Variants in ZDHHC11 observed in about 807,000 individuals in gnomAD.
ZDHHC11 encodes zDHHC palmitoyltransferase 11.
In ZDHHC11, 44 loss-of-function variants were observed where a neutral mutation model predicts 51.3. The ratio of observed to expected loss-of-function variants is 0.86; its 90% CI spans 0.67 to 1.10. The LOEUF (loss-of-function observed/expected upper bound fraction) is 1.10, where lower values mean the gene tolerates loss of function less well. Ranked by LOEUF, ZDHHC11 falls within the 50% of genes least tolerant of loss-of-function variation. The pLI, the probability that ZDHHC11 is intolerant of heterozygous loss-of-function variation, is 0.00. For synonymous variants in ZDHHC11, 163 were observed against 222.0 expected (o/e 0.73, Z 2.36); for missense variants, 400 against 537.7 (o/e 0.74, Z 2.53).
intron 8 of ZDHHC11, among the ~76,000 whole-genome samples, chr5:824,760 C>A (rs565532915): frequency 1.4e-5 from 2 of 145,720 alleles, no homozygotes; most frequent in Non-Finnish European, 3.0e-5. Context: ...CTTTCCTAAG[C>A]ATTTTATTTA....
chr5:860,493 C>T (rs1748738240), upstream of ZDHHC11, among the ~76,000 whole-genome samples: 1 of 152,050 alleles, frequency 6.6e-6, no homozygotes, highest in Non-Finnish European at 1.5e-5. This position sits in a 1 kb window ranked among gnomAD's most constrained non-coding sequence, Gnocchi z 4.2. Flanking sequence ...CACCCTCCTC[C>T]ACCACCTGCA....
chr5:833,853 A>G, intron 6 of ZDHHC11, 46 bp from the exon 7 acceptor site: 1 of 1,568,914 alleles, frequency 6.4e-7, no homozygotes, highest in East Asian at 2.2e-5. Context: ...GAAGTTGTTG[A>G]CATGCAGCTG....
chr5:827,788 G>C (rs1161704139), intron 7 of ZDHHC11, among the ~76,000 whole-genome samples: 3 of 149,990 alleles, frequency 2.0e-5, no homozygotes, highest in Non-Finnish European at 4.4e-5. Flanking sequence ...TTCTCACAGA[G>C]GGGGATTTGG....
chr5:806,453 G>C (rs965593580), intron 11 of ZDHHC11, among the ~76,000 whole-genome samples: 1 of 146,984 alleles, frequency 6.8e-6, no homozygotes, highest in South Asian at 2.1e-4. Context: ...AGAAATAATA[G>C]ATGGCTATCT....
At chr5:805,091 C>T (rs1464419102) in intron 11 of ZDHHC11, among the ~76,000 whole-genome samples, 1 of 151,244 alleles carries the variant, frequency 6.6e-6, no homozygotes, top group Non-Finnish European at 1.5e-5. Flanking sequence ...ATGACAACAG[C>T]AATATAAAGG....
At chr5:840,774 C>A in intron 4 of ZDHHC11, 124 bp from the exon 5 acceptor site, 1 of 1,550,514 alleles carries the variant, frequency 6.4e-7, no homozygotes, top group Non-Finnish European at 8.7e-7. Context: ...CGAGGGATGT[C>A]TCCCTGCCCA....
At chr5:812,248 A>G (rs1442610033) in intron 11 of ZDHHC11, among the ~76,000 whole-genome samples, 1 of 151,068 alleles carries the variant, frequency 6.6e-6, no homozygotes, top group East Asian at 1.9e-4. Context: ...AACTGACTTC[A>G]CAAAAATTTA....
chr5:828,217 T>C (rs1304516327), intron 7 of ZDHHC11, among the ~76,000 whole-genome samples: 1 of 151,470 alleles, frequency 6.6e-6, no homozygotes, highest in Admixed American at 6.6e-5. Context: ...AAAACCGCCA[T>C]TGTCATCATG....
At chr5:825,328 G>A (rs10065461) in intron 7 of ZDHHC11, 77 bp from the exon 8 acceptor site, 120,943 of 1,432,420 alleles carry the variant, frequency 0.084, 6,200 homozygotes, top group Admixed American at 0.21. Flanking sequence ...AGGCTGCACC[G>A]CGTCGTGTCA....
chr5:854,844 CA>C (rs2150506132), upstream of ZDHHC11, among the ~76,000 whole-genome samples: 1 of 135,840 alleles, frequency 7.4e-6, no homozygotes, highest in East Asian at 2.3e-4. Flanking sequence ...GCACAGACCA[CA>C]CAGAGGACAG....
At chr5:850,313 A>C in intron 1 of ZDHHC11, 68 bp downstream of exon 1, 2 of 1,537,918 alleles carry the variant, frequency 1.3e-6, no homozygotes, top group Non-Finnish European at 1.8e-6. Context: ...CAGACCCCAC[A>C]GCCAGGTCCA....
chr5:845,798 C>T (rs1159305330), intron 3 of ZDHHC11, among the ~76,000 whole-genome samples: 1 of 150,828 alleles, frequency 6.6e-6, no homozygotes, highest in Middle Eastern at 3.2e-3. Flanking sequence ...TTGGCTGCTG[C>T]CTGGAGCTGA....
At chr5:829,474 C>T (rs378701) in intron 7 of ZDHHC11, among the ~76,000 whole-genome samples, 1 of 151,784 alleles carries the variant, frequency 6.6e-6, no homozygotes, top group Admixed American at 6.6e-5. Context: ...TCTTAACAGA[C>T]TAATAACAAG....
chr5:854,990 C>CG (rs1747947981), upstream of ZDHHC11, among the ~76,000 whole-genome samples: 1 of 139,358 alleles, frequency 7.2e-6, no homozygotes, highest in Non-Finnish European at 1.5e-5. Context: ...GACAGCGAGC[C>CG]AGGGGGACAG....
At chr5:801,200 A>T (rs1256346906) in intron 11 of ZDHHC11, 36 bp from the exon 12 acceptor site, 1 of 1,607,194 alleles carries the variant, frequency 6.2e-7, no homozygotes, top group Non-Finnish European at 8.5e-7. Context: ...ACAACAGAGA[A>T]CGTATGATGT....
chr5:807,331 A>G (rs576878109), intron 11 of ZDHHC11, among the ~76,000 whole-genome samples: 1 of 151,410 alleles, frequency 6.6e-6, no homozygotes, highest in Admixed American at 6.6e-5. Context: ...ATATCTATAT[A>G]GATATCTAAG....
At chr5:828,409 G>A (rs1468413618) in intron 7 of ZDHHC11, among the ~76,000 whole-genome samples, 1 of 148,970 alleles carries the variant, frequency 6.7e-6, no homozygotes, top group Admixed American at 6.7e-5. Context: ...CCGGGTGGAG[G>A]TGCCCCCCAC....
At chr5:816,456 G>T in intron 10 of ZDHHC11, 1 of 476,278 alleles carries the variant, frequency 2.1e-6, no homozygotes, top group South Asian at 1.6e-5. Context: ...ATGTGGATAA[G>T]TCGAAGATAA....
chr5:816,653 C>T, intron 10 of ZDHHC11: 1 of 624,584 alleles, frequency 1.6e-6, no homozygotes, highest in Non-Finnish European at 3.1e-6. Context: ...GGATTATATG[C>T]ATCCCTTTCC....
Sources: gnomAD v4.1 joint callset for allele counts (sites outside exome capture counted in the v4.1 genomes callset) on GRCh38, gnomAD v4.1.1 for gene constraint, Gnocchi (gnomAD v3.1) non-coding constraint, MANE v1.5 for transcripts, NCBI Gene and HGNC (gene_info 2026-07-23, HGNC 2026-07-21) for gene names.